Variants in NXPH1 observed in about 807,000 individuals in gnomAD.
NXPH1 encodes neurexophilin 1.
Under a neutral mutation model 23.7 loss-of-function variants are expected in NXPH1, and 5 were observed. The ratio of observed to expected loss-of-function variants is 0.21; its 90% CI spans 0.11 to 0.44. The LOEUF (loss-of-function observed/expected upper bound fraction) is 0.44. Among genes scored for constraint, NXPH1 ranks in the 20% least tolerant of loss-of-function variants. NXPH1 has a pLI of 0.99. For missense variants in NXPH1, 324 were observed against 321.6 expected (o/e 1.01, Z -0.06); for synonymous variants, 144 against 122.2 (o/e 1.18, Z -1.18).
chr7:8,707,757 T>G (rs1219169996), intron 2 of NXPH1, among the ~76,000 whole-genome samples: 1 of 152,128 alleles, frequency 6.6e-6, no homozygotes, highest in Non-Finnish European at 1.5e-5. Flanking sequence ...TCACTTAACC[T>G]CCCTGAGCTT....
At chr7:8,440,998 G>A (rs1477195116) in intron 2 of NXPH1, among the ~76,000 whole-genome samples, 3 of 152,160 alleles carry the variant, frequency 2.0e-5, no homozygotes, top group Non-Finnish European at 4.4e-5. Context: ...AAGTTTGCCT[G>A]CTCTCAAGTG....
intron 2 of NXPH1, among the ~76,000 whole-genome samples, chr7:8,710,570 C>G (rs1264538707): frequency 1.4e-5 from 2 of 147,766 alleles, no homozygotes; most frequent in African/African-American, 2.5e-5. Flanking sequence ...AGGCCAAAAT[C>G]AACTGCCAAA....
intron 2 of NXPH1, among the ~76,000 whole-genome samples, chr7:8,606,491 TA>T (rs1435214773): frequency 6.6e-6 from 1 of 152,166 alleles, no homozygotes; most frequent in Non-Finnish European, 1.5e-5. Flanking sequence ...TGTGACATTT[TA>T]AAAACTGTCT....
At chr7:8,745,238 G>T (rs934923250) in intron 2 of NXPH1, among the ~76,000 whole-genome samples, 8 of 152,044 alleles carry the variant, frequency 5.3e-5, no homozygotes, top group African/African-American at 1.9e-4. Flanking sequence ...TATAATTATG[G>T]TGTACAGTAT....
intron 2 of NXPH1, among the ~76,000 whole-genome samples, chr7:8,727,181 G>T (rs1301512707): frequency 7.4e-6 from 1 of 135,888 alleles, no homozygotes; most frequent in South Asian, 2.4e-4. Flanking sequence ...TTTTGATGGG[G>T]TTGTTTGTTT....
chr7:8,542,033 A>C (rs1481027239), intron 2 of NXPH1, among the ~76,000 whole-genome samples: 1 of 151,568 alleles, frequency 6.6e-6, no homozygotes, highest in African/African-American at 2.4e-5. Context: ...AAATAGCCTA[A>C]ATATTTTAAT....
chr7:8,689,156 G>C (rs1312261649), intron 2 of NXPH1, among the ~76,000 whole-genome samples: 1 of 152,076 alleles, frequency 6.6e-6, no homozygotes, highest in African/African-American at 2.4e-5. Context: ...ACTTCATATA[G>C]GAGGATAACC....
intron 2 of NXPH1, among the ~76,000 whole-genome samples, chr7:8,600,144 A>G (rs1819324272): frequency 6.6e-6 from 1 of 152,136 alleles, no homozygotes; most frequent in African/African-American, 2.4e-5. Context: ...AAATATTCAA[A>G]AAATGATTAT....
rs145409865 is a variant in NXPH1, at chr7:8,703,038, G to A, written c.55-47970G>A. Among the ~76,000 whole-genome samples the A allele has an allele frequency of 4.4e-4, 67 of 152,222 alleles. No individual in the cohort carries two copies. The East Asian group carries it at 0.01, about 23-fold the overall frequency. ...AGGGCACATGAGGAGGCTAGACATT[G>A]CTGGAGGAAGAGAGGGATTTTACCT... is the stretch of plus-strand genomic sequence containing the variant. On this transcript the variant is annotated intron_variant, in intron 2 of 2. Coordinates refer to ENST00000405863, the MANE Select transcript of NXPH1 (RefSeq NM_152745.3).
chr7:8,448,072 T>C (rs1036741729), intron 2 of NXPH1, among the ~76,000 whole-genome samples: 1 of 152,194 alleles, frequency 6.6e-6, no homozygotes, highest in African/African-American at 2.4e-5. Context: ...GGAAGCAGCA[T>C]TGTGAAAGAC....
intron 2 of NXPH1, among the ~76,000 whole-genome samples, chr7:8,439,716 GT>G (rs2128603938): frequency 6.6e-6 from 1 of 152,332 alleles, no homozygotes; most frequent in African/African-American, 2.4e-5. Flanking sequence ...GTTTAATAGA[GT>G]TTGGAGAGTA....
chr7:8,499,329 C>T (rs943055311), intron 2 of NXPH1, among the ~76,000 whole-genome samples: 36 of 152,008 alleles, frequency 2.4e-4, no homozygotes, highest in African/African-American at 8.5e-4. Context: ...GTACACAGCC[C>T]TCCCAGGGTT....
At chr7:8,475,074 G>T (rs957085783) in intron 2 of NXPH1, among the ~76,000 whole-genome samples, 2 of 152,074 alleles carry the variant, frequency 1.3e-5, no homozygotes, top group African/African-American at 4.8e-5. Flanking sequence ...ACTGGGGGGT[G>T]GGAAGAGGGT....
intron 2 of NXPH1, among the ~76,000 whole-genome samples, chr7:8,657,707 A>C (rs1336943151): frequency 6.6e-6 from 1 of 152,234 alleles, no homozygotes; most frequent in Non-Finnish European, 1.5e-5. Context: ...GTTTCTTGGC[A>C]CCAACAAAAT....
At chr7:8,496,015 G>A (rs1029815775) in intron 2 of NXPH1, among the ~76,000 whole-genome samples, 1 of 152,002 alleles carries the variant, frequency 6.6e-6, no homozygotes, top group Non-Finnish European at 1.5e-5. Flanking sequence ...ACTTAAGTAT[G>A]AGCACTGGAT....
At chr7:8,729,958 T>A (rs981508393) in intron 2 of NXPH1, among the ~76,000 whole-genome samples, 4 of 143,550 alleles carry the variant, frequency 2.8e-5, no homozygotes, top group African/African-American at 1.0e-4. Context: ...TCTCCCATTA[T>A]TAATGTGTGG....
chr7:8,442,788 C>T lies in NXPH1; in HGVS notation c.54+7021C>T, dbSNP rs1315060014. Among the ~76,000 whole-genome samples the T allele has an allele frequency of 1.3e-5, 2 of 152,186 alleles. No homozygotes were observed. Among genetic ancestry groups the T allele is most frequent in the Non-Finnish European group, 1.5e-5 (1 of 68,032 alleles). ...TGGAAACACAGATGCAGCCCTCTCG[C>T]GTCCGGAGCCCAAGTCCCCATGCAA... On this transcript the variant is annotated intron_variant, in intron 2 of 2. Transcript: ENST00000405863. This position sits in a 1 kb window ranked among gnomAD's most constrained non-coding sequence, Gnocchi z 4.6.
rs1276392799 is a variant in NXPH1 at position 8,442,909 on chromosome 7, G to A, written c.54+7142G>A. On this transcript the variant is annotated intron_variant, in intron 2 of 2. Coordinates refer to ENST00000405863, the MANE Select transcript of NXPH1 (RefSeq NM_152745.3). The surrounding 1 kb of genome is among the most constrained non-coding windows in gnomAD (Gnocchi z 4.6). The stretch of plus-strand genomic sequence containing the variant: ...GCGGCAGTTCTCGGGAGAATAGGCC[G>A]CGGGCTATAAGATTTGATCGCGGGC... Among the ~76,000 whole-genome samples the A allele has an allele frequency of 1.3e-5, 2 of 152,246 alleles. No homozygotes were observed. Among genetic ancestry groups the A allele is most frequent in the Admixed American group, 6.5e-5 (1 of 15,294 alleles).
intron 2 of NXPH1, among the ~76,000 whole-genome samples, chr7:8,448,292 CAA>C (rs1396247646): frequency 1.3e-5 from 2 of 152,124 alleles, no homozygotes; most frequent in African/African-American, 4.8e-5. Context: ...GATGAACTAA[CAA>C]AGAAAAAAGT....
Sources: allele counts gnomAD v4.1 joint callset (sites outside exome capture counted in the v4.1 genomes callset), GRCh38; gene constraint gnomAD v4.1.1; non-coding constraint Gnocchi (gnomAD v3.1); transcripts MANE v1.5; gene names NCBI Gene and HGNC (gene_info 2026-07-23, HGNC 2026-07-21).